The following CDYL variants were observed in gnomAD, a reference collection of about 807,000 sequenced individuals.
CDYL encodes chromodomain Y-like protein.
CDYL carries 8 observed loss-of-function variants against 47.3 expected under a neutral mutation model. The observed-to-expected ratio is 0.17, with a 90% CI of 0.10 to 0.31. The LOEUF is 0.31. Ranked by LOEUF, CDYL falls within the 10% of genes least tolerant of loss-of-function variation. CDYL has a pLI of 1.00. For synonymous variants in CDYL, 266 were observed against 265.0 expected (o/e 1.00, Z -0.04); for missense variants, 471 against 701.4 (o/e 0.67, Z 3.71).
intron 1 of CDYL, among the ~76,000 whole-genome samples, chr6:4,883,571 A>C (rs949861623): frequency 1.1e-4 from 17 of 152,212 alleles, no homozygotes; most frequent in Non-Finnish European, 1.9e-4. Context: ...TGGAGCAGGC[A>C]AACAGGATAG....
intron 2 of CDYL, among the ~76,000 whole-genome samples, chr6:4,918,561 T>C (rs1426656226): frequency 1.3e-5 from 2 of 152,242 alleles, no homozygotes; most frequent in African/African-American, 2.4e-5. Context: ...AGGATTGATA[T>C]TGCGTAGTAA....
chr6:4,742,730 T>C (rs1757819184), intron 3 of CDYL, among the ~76,000 whole-genome samples: 1 of 152,230 alleles, frequency 6.6e-6, no homozygotes, highest in African/African-American at 2.4e-5. Context: ...AGGATCTCTC[T>C]TGTCCATTGC....
At chr6:4,717,329 C>G (rs932164360) in intron 2 of CDYL, among the ~76,000 whole-genome samples, 3 of 152,178 alleles carry the variant, frequency 2.0e-5, no homozygotes, top group African/African-American at 7.2e-5. Flanking sequence ...GGGCTTTTAA[C>G]TTACCAACAG....
rs890417765 is a variant in CDYL, at chr6:4,892,309, C to T, written c.621C>T (p.His207=). The T allele has an allele frequency of 1.2e-6, 2 of 1,614,016 alleles. No homozygotes were observed. The highest frequency in any genetic ancestry group is 1.7e-6 in the Non-Finnish European group (2 of 1,180,040). ...RARMGSRPRI[H]PLVPQVPGPV... is the part of the protein sequence containing the mutation. ...GGATGGGGAGCAGGCCCAGGATACA[C>T]CCACTAGTGCCTCAGGTGCCCGGCC... The change falls in exon 2 of 7, where the codon CAC becomes CAT. Residue 207 remains histidine (H), a synonymous_variant. Coordinates refer to ENST00000397588, the MANE Select transcript of CDYL (RefSeq NM_004824.4).
chr6:4,922,052 G>T (rs903128692), intron 2 of CDYL, among the ~76,000 whole-genome samples: 16 of 152,246 alleles, frequency 1.1e-4, no homozygotes, highest in Admixed American at 9.2e-4. Context: ...GGCTGCATTT[G>T]TGCAGCCTCA....
chr6:4,880,011 G>C (rs1761721899), intron 1 of CDYL, among the ~76,000 whole-genome samples: 1 of 152,100 alleles, frequency 6.6e-6, no homozygotes, highest in Admixed American at 6.5e-5. Context: ...GAGTGATACA[G>C]CTGTTACACT....
chr6:4,811,581 A>G (rs1429384808), intron 1 of CDYL, among the ~76,000 whole-genome samples: 1 of 150,538 alleles, frequency 6.6e-6, no homozygotes, highest in Admixed American at 6.6e-5. Flanking sequence ...CTAGCTTTTA[A>G]TTACACAAGT....
Position 4,895,451 on chromosome 6 carries a change from A to ATATGCATG in CDYL, c.691+3075_691+3076insGCATGTAT, listed in dbSNP as rs1762243934. Among the ~76,000 whole-genome samples, 4 of 88,142 alleles carry ATATGCATG rather than the reference A, an allele frequency of 4.5e-5. 2 individuals carry two copies. The highest frequency in any genetic ancestry group is 1.9e-4 in the African/African-American group (4 of 21,550). The allele number at this position is 88,142 out of a possible 152,430, so 57.8% of individuals were successfully genotyped here. A position where few individuals can be genotyped will look rare whatever the true frequency, so the allele number is the denominator to read the frequency against. On this transcript the variant is annotated intron_variant, in intron 2 of 6. Coordinates refer to ENST00000397588, the MANE Select transcript of CDYL (RefSeq NM_004824.4). ...TATACATGTATACGTATATATGCAT[A>ATATGCATG]TATACATGTATACATATATACGTAT...
intron 6 of CDYL, among the ~76,000 whole-genome samples, chr6:4,953,123 C>T (rs1235854793): frequency 1.3e-5 from 2 of 151,416 alleles, no homozygotes; most frequent in Non-Finnish European, 2.9e-5. Flanking sequence ...GTGGCTCACG[C>T]CTATAATCCC....
intron 4 of CDYL, among the ~76,000 whole-genome samples, chr6:4,940,475 C>G (rs2127523175): frequency 6.6e-6 from 1 of 150,674 alleles, no homozygotes; most frequent in East Asian, 2.0e-4. Context: ...TTCATCGTAG[C>G]AAGTTTCCAA....
intron 2 of CDYL, among the ~76,000 whole-genome samples, chr6:4,900,536 G>A (rs1034357700): frequency 6.6e-6 from 1 of 151,554 alleles, no homozygotes; most frequent in South Asian, 2.1e-4. Context: ...TATTGTAAAC[G>A]ATAAAACACA....
intron 3 of CDYL, among the ~76,000 whole-genome samples, chr6:4,767,999 C>T (rs1034391770): frequency 2.0e-5 from 3 of 152,180 alleles, no homozygotes; most frequent in Admixed American, 6.5e-5. Flanking sequence ...TGAAGAGACC[C>T]AGGACCTGGT....
chr6:4,723,866 T>C (rs959619107), intron 2 of CDYL, among the ~76,000 whole-genome samples: 1 of 152,260 alleles, frequency 6.6e-6, no homozygotes, highest in African/African-American at 2.4e-5. Flanking sequence ...TGTTTAGGTC[T>C]AACCGGTCCC....
intron 1 of CDYL, among the ~76,000 whole-genome samples, chr6:4,842,017 G>T (rs1350588919): frequency 1.4e-5 from 2 of 141,530 alleles, no homozygotes; most frequent in African/African-American, 2.6e-5. Context: ...AATTATATTT[G>T]TATTATTTGT....
At chr6:4,844,329 G>T (rs986372034) in intron 1 of CDYL, among the ~76,000 whole-genome samples, 9 of 152,200 alleles carry the variant, frequency 5.9e-5, no homozygotes, top group African/African-American at 2.2e-4. Flanking sequence ...GTATAGGGAG[G>T]ATCAGGTGGT....
At chr6:4,830,065 G>C (rs143769440) in intron 1 of CDYL, among the ~76,000 whole-genome samples, 2 of 152,270 alleles carry the variant, frequency 1.3e-5, no homozygotes, top group East Asian at 3.9e-4. Context: ...TGAGAAGTCA[G>C]AGCTTCCTAC....
intron 2 of CDYL, among the ~76,000 whole-genome samples, chr6:4,905,641 C>T (rs561325706): frequency 5.9e-5 from 9 of 152,282 alleles, no homozygotes; most frequent in African/African-American, 1.7e-4. Flanking sequence ...GGGTCAGAGC[C>T]GAAGGGCCAT....
Position 4,894,498 on chromosome 6 carries a change from A to G in CDYL, c.691+2119A>G, listed in dbSNP as rs562325124. ...GAGGAATATTTACTAACGTGAAAAT[A>G]TAAGAAATTAAGATTTCTGTGTTCA... On this transcript the variant is annotated intron_variant, in intron 2 of 6. Coordinates refer to ENST00000397588, the MANE Select transcript of CDYL (RefSeq NM_004824.4). Among the ~76,000 whole-genome samples the G allele has an allele frequency of 1.1e-4, 16 of 152,370 alleles. No individual in the cohort carries two copies. The East Asian group carries it at 2.7e-3, about 26-fold the overall frequency.
At chr6:4,728,387 C>T (rs1041582256) in intron 2 of CDYL, among the ~76,000 whole-genome samples, 1 of 152,198 alleles carries the variant, frequency 6.6e-6, no homozygotes, top group Non-Finnish European at 1.5e-5. Flanking sequence ...GCATGTGGCT[C>T]TTCAGCCTCA....
Sources: gnomAD v4.1 joint callset for allele counts (sites outside exome capture counted in the v4.1 genomes callset) on GRCh38, gnomAD v4.1.1 for gene constraint, MANE v1.5 for transcripts, NCBI Gene and HGNC (gene_info 2026-07-23, HGNC 2026-07-21) for gene names.